Variants in RORA observed in about 807,000 individuals in gnomAD.
The protein encoded by RORA is RAR related orphan receptor A.
RORA carries 7 observed loss-of-function variants against 69.5 expected under a neutral mutation model. The observed-to-expected ratio is 0.10, with a 90% CI of 0.06 to 0.19. The LOEUF (loss-of-function observed/expected upper bound fraction) is 0.19. Among genes scored for constraint, RORA ranks in the 10% least tolerant of loss-of-function variants. The pLI, the probability that RORA is intolerant of heterozygous loss-of-function variation, is 1.00. For synonymous variants in RORA, 261 were observed against 240.8 expected (o/e 1.08, Z -0.78); for missense variants, 457 against 663.0 (o/e 0.69, Z 3.41).
At chr15:60,679,721 C>T (rs991365126) in intron 1 of RORA, among the ~76,000 whole-genome samples, 5 of 152,002 alleles carry the variant, frequency 3.3e-5, no homozygotes, top group Non-Finnish European at 5.9e-5. Flanking sequence ...ACATGTCGTA[C>T]GGGGAAGAAA....
At chr15:60,595,924 C>T (rs1412913658) in intron 2 of RORA, among the ~76,000 whole-genome samples, 1 of 152,194 alleles carries the variant, frequency 6.6e-6, no homozygotes, top group Non-Finnish European at 1.5e-5. Flanking sequence ...CACACTGAGT[C>T]TGCCACACAG....
At chr15:60,787,584 C>T (rs1412691341) in intron 1 of RORA, among the ~76,000 whole-genome samples, 1 of 152,168 alleles carries the variant, frequency 6.6e-6, no homozygotes, top group African/African-American at 2.4e-5. Flanking sequence ...ATTCTGCAAC[C>T]CATACTGAGC....
At position 60,680,656 on chromosome 15, in the gene RORA, C is replaced by T. The variant is rs145289623; in HGVS notation, c.167-1970G>A. Among the ~76,000 whole-genome samples the T allele has an allele frequency of 4.9e-3, 741 of 152,180 alleles. 2 individuals carry two copies. Among genetic ancestry groups the T allele is most frequent in the Non-Finnish European group, 7.2e-3 (492 of 68,014 alleles). On this transcript the variant is annotated intron_variant, in intron 1 of 10. Coordinates refer to ENST00000335670, the MANE Select transcript of RORA (RefSeq NM_134261.3). Reference sequence around the variant, plus strand: ...AATCAATATAAATAACTGGGAGCTACACTTATATTGGAGTTGCCAGATTTA... The same window carrying T: ...AATCAATATAAATAACTGGGAGCTATACTTATATTGGAGTTGCCAGATTTA...
At chr15:61,177,812 A>G (rs185725116) in intron 1 of RORA, among the ~76,000 whole-genome samples, 71 of 151,926 alleles carry the variant, frequency 4.7e-4, no homozygotes, top group African/African-American at 1.6e-3. Context: ...AATACAAAAA[A>G]TTAGCCAAGT....
chr15:60,662,141 GAGA>G (rs1596106043), intron 2 of RORA, among the ~76,000 whole-genome samples: 1 of 152,298 alleles, frequency 6.6e-6, no homozygotes, highest in East Asian at 1.9e-4. Context: ...AATTATTTCT[GAGA>G]AGCTTTTTCT....
In RORA at chr15:61,228,516, T is replaced by C. The variant is rs2140954980; in HGVS notation, c.166+537A>G. ...CTCTCCACCCCCGGGACTTCCCAGG[T>C]CGCTCACTCCTCCCGCCCCCCGCCC... On this transcript the variant is annotated intron_variant, in intron 1 of 10. Transcript: ENST00000335670. 2.6e-5 allele frequency among the ~76,000 whole-genome samples: 3 copies of C among 116,940 alleles called. 1 individual carries two copies. In the Admixed American group the frequency reaches 2.6e-4, roughly 10 times the overall value. 76.7% of individuals were successfully genotyped at this position (116,940 alleles called of 152,430 possible). A position where few individuals can be genotyped will look rare whatever the true frequency, so the allele number is the denominator to read the frequency against.
chr15:60,673,932 C>T (rs1279775801), intron 2 of RORA, among the ~76,000 whole-genome samples: 1 of 152,182 alleles, frequency 6.6e-6, no homozygotes, highest in Non-Finnish European at 1.5e-5. Flanking sequence ...TAGCTGGTAG[C>T]CTTGGTAAGC....
At chr15:60,990,755 C>A (rs373985885) in intron 1 of RORA, among the ~76,000 whole-genome samples, 5 of 151,966 alleles carry the variant, frequency 3.3e-5, no homozygotes, top group South Asian at 4.2e-4. Context: ...TCCAGGGTTC[C>A]AAAAAAGCAA....
intron 1 of RORA, among the ~76,000 whole-genome samples, chr15:60,850,686 C>CT (rs935081267): frequency 6.4e-4 from 97 of 152,272 alleles, no homozygotes; most frequent in African/African-American, 2.3e-3. Flanking sequence ...CAGCAAGCCC[C>CT]TTTCCCATCC....
chr15:60,613,844 G>C (rs1008300344), intron 2 of RORA, among the ~76,000 whole-genome samples: 2 of 151,218 alleles, frequency 1.3e-5, no homozygotes, highest in African/African-American at 4.9e-5. Flanking sequence ...ATCTCAGGTA[G>C]ACAGTTCATG....
At chr15:60,646,434 C>T (rs972976383) in intron 2 of RORA, among the ~76,000 whole-genome samples, 5 of 152,122 alleles carry the variant, frequency 3.3e-5, no homozygotes, top group Admixed American at 6.5e-5. Flanking sequence ...GACTTTGAAC[C>T]TTAATACAAG....
At chr15:61,133,949 C>G (rs1466202774) in intron 1 of RORA, among the ~76,000 whole-genome samples, 2 of 152,210 alleles carry the variant, frequency 1.3e-5, no homozygotes, top group Non-Finnish European at 2.9e-5. Flanking sequence ...CAAAACACAA[C>G]TGAAAGGAGA....
intron 2 of RORA, among the ~76,000 whole-genome samples, chr15:60,565,533 G>C (rs1395358094): frequency 6.6e-6 from 1 of 152,160 alleles, no homozygotes; most frequent in Non-Finnish European, 1.5e-5. Context: ...AGCCAACTCT[G>C]TCTCATTCAT....
At chr15:61,058,581 T>A (rs1313925932) in intron 1 of RORA, among the ~76,000 whole-genome samples, 1 of 152,082 alleles carries the variant, frequency 6.6e-6, no homozygotes, top group African/African-American at 2.4e-5. Context: ...ACTAATTGAA[T>A]ATCAAAGGGT....
intron 2 of RORA, among the ~76,000 whole-genome samples, chr15:60,544,503 G>GT (rs2067007225): frequency 6.6e-6 from 1 of 152,032 alleles, no homozygotes; most frequent in Non-Finnish European, 1.5e-5. Flanking sequence ...TGTGCTTAAT[G>GT]TTAGAAAATA....
At chr15:60,979,957 G>A (rs558055850) in intron 1 of RORA, among the ~76,000 whole-genome samples, 1 of 152,124 alleles carries the variant, frequency 6.6e-6, no homozygotes, top group Non-Finnish European at 1.5e-5. Context: ...TCATGTTTCT[G>A]ATATTACAGG....
chr15:60,850,338 T>C (rs1567213495), intron 1 of RORA, among the ~76,000 whole-genome samples: 1 of 152,118 alleles, frequency 6.6e-6, no homozygotes, highest in Non-Finnish European at 1.5e-5. Context: ...CCCTCTAATT[T>C]GCAGGCATGG....
intron 1 of RORA, among the ~76,000 whole-genome samples, chr15:60,882,027 T>C (rs1252872751): frequency 6.6e-6 from 1 of 152,218 alleles, no homozygotes; most frequent in African/African-American, 2.4e-5. Context: ...CCCGCGCACG[T>C]GTTGCGGAAC....
At chr15:61,142,707 G>A (rs1054703873) in intron 1 of RORA, among the ~76,000 whole-genome samples, 4 of 152,112 alleles carry the variant, frequency 2.6e-5, no homozygotes, top group African/African-American at 9.7e-5. Context: ...TTCAAGAACA[G>A]AACTTTTACC....
Sources: gnomAD v4.1 joint callset for allele counts (sites outside exome capture counted in the v4.1 genomes callset) on GRCh38, gnomAD v4.1.1 for gene constraint, MANE v1.5 for transcripts, NCBI Gene and HGNC (gene_info 2026-07-23, HGNC 2026-07-21) for gene names.